FGF14: variants seen among roughly 807,000 people sequenced by gnomAD.
The protein encoded by FGF14 is fibroblast growth factor homologous factor 4.
A neutral mutation model predicts 25.5 loss-of-function variants in FGF14; 5 were observed. The observed-to-expected ratio is 0.20, with a 90% confidence interval of 0.10 to 0.41. The LOEUF (loss-of-function observed/expected upper bound fraction) is 0.41, where lower values mean the gene tolerates loss of function less well. Ranked by LOEUF, FGF14 falls within the 10% of genes least tolerant of loss-of-function variation. The pLI, the probability that FGF14 is intolerant of heterozygous loss-of-function variation, is 1.00. For synonymous variants in FGF14, 138 were observed against 118.3 expected, an observed-to-expected ratio of 1.17 and a Z score of -1.08; for missense variants, 222 against 320.1, an observed-to-expected ratio of 0.69 and a Z score of 2.34.
At position 102,165,863 on chromosome 13, in the gene FGF14, A is replaced by T. The variant is rs911140860; in HGVS notation, c.208+235608T>A. Among the ~76,000 whole-genome samples, 8 of 151,864 alleles carry T rather than the reference A, an allele frequency of 5.3e-5. 1 individual carries two copies. Among genetic ancestry groups the T allele is most frequent in the Admixed American group, 4.6e-4 (7 of 15,228 alleles). ...TAGATTCCTGGTTGCCAGAGGCTGGAGGAAAGGGAAACAGGAGGAATGAGG... is the reference window on the plus strand; with the variant it reads ...TAGATTCCTGGTTGCCAGAGGCTGGTGGAAAGGGAAACAGGAGGAATGAGG... On this transcript the variant is annotated intron_variant, in intron 1 of 4. Transcript: ENST00000376131.
At chr13:101,949,300 C>T (rs1346914116) in intron 1 of FGF14, among the ~76,000 whole-genome samples, 3 of 152,106 alleles carry the variant, frequency 2.0e-5, no homozygotes, top group Non-Finnish European at 2.9e-5. Context: ...CTTTCTAATG[C>T]GATCACTGCC....
At position 102,248,344 on chromosome 13, in the gene FGF14, C is replaced by T. The variant is rs532854981; in HGVS notation, c.208+153127G>A. 2.0e-5 allele frequency among the ~76,000 whole-genome samples: 3 copies of T among 152,180 alleles called. No individual in the cohort carries two copies. The South Asian group carries it at 6.2e-4, about 32-fold the overall frequency. On this transcript the variant is annotated intron_variant, in intron 1 of 4. Coordinates refer to the FGF14 transcript ENST00000376131. The stretch of plus-strand genomic sequence containing the variant: ...AAATATTGTCCCTTTCTTTTTGACT[C>T]TTAGAAATTATTAATGTATACTTCT...
chr13:101,866,349 A>C (rs2044706390), intron 3 of FGF14, among the ~76,000 whole-genome samples: 1 of 152,116 alleles, frequency 6.6e-6, no homozygotes, highest in South Asian at 2.1e-4. Flanking sequence ...TGATAATAAA[A>C]CAGTTAAAAA....
chr13:101,965,511 A>G (rs2037136280), intron 1 of FGF14, among the ~76,000 whole-genome samples: 1 of 152,166 alleles, frequency 6.6e-6, no homozygotes, highest in Non-Finnish European at 1.5e-5. Context: ...TTTAATAACT[A>G]AGGGATTAAG....
chr13:101,820,789 CACACACACACACACACAACA>C (rs1305744330), intron 3 of FGF14, among the ~76,000 whole-genome samples: 1,882 of 30,142 alleles, frequency 0.062, 73 homozygotes, highest in African/African-American at 0.12. Flanking sequence ...CACACACACA[CACACACACACACACACAACA>C]CACACACACA....
At chr13:102,120,087 A>C (rs994223349) in intron 1 of FGF14, among the ~76,000 whole-genome samples, 1 of 152,124 alleles carries the variant, frequency 6.6e-6, no homozygotes, top group Non-Finnish European at 1.5e-5. Flanking sequence ...CCTTGAGTCA[A>C]GACTCCTGGG....
chr13:102,118,194 G>T (rs1566707923), intron 1 of FGF14, among the ~76,000 whole-genome samples: 1 of 151,786 alleles, frequency 6.6e-6, no homozygotes. Flanking sequence ...TATATTCATT[G>T]TATAGGATAA....
At chr13:102,394,963 C>G (rs1244224945) in intron 1 of FGF14, 1 of 152,546 alleles carries the variant, frequency 6.6e-6, no homozygotes, top group African/African-American at 2.4e-5. Context: ...CTTTCTGGTC[C>G]CGGACACCAA....
intron 1 of FGF14, among the ~76,000 whole-genome samples, chr13:102,328,030 A>G (rs977832256): frequency 1.3e-5 from 2 of 151,094 alleles, no homozygotes; most frequent in Admixed American, 6.6e-5. Context: ...GAAATTCTTC[A>G]CTGCTATGAA....
chr13:102,395,809 CA>C (rs2058567680), intron 1 of FGF14: 1 of 152,182 alleles, frequency 6.6e-6, no homozygotes, highest in African/African-American at 2.4e-5. Context: ...ACTAATCAAA[CA>C]AGAACTTCAC....
chr13:102,091,396 C>T (rs1489440141), intron 1 of FGF14, among the ~76,000 whole-genome samples: 1 of 152,132 alleles, frequency 6.6e-6, no homozygotes. Flanking sequence ...TTCCTGTGTC[C>T]CTCTAGGGGA....
intron 1 of FGF14, among the ~76,000 whole-genome samples, chr13:102,022,222 C>T (rs906946816): frequency 1.3e-5 from 2 of 152,038 alleles, no homozygotes; most frequent in African/African-American, 4.8e-5. Context: ...AGGACATAGC[C>T]AGTTGCCTCT....
intron 1 of FGF14, among the ~76,000 whole-genome samples, chr13:102,082,867 A>G (rs1305082540): frequency 6.6e-6 from 1 of 151,690 alleles, no homozygotes. Context: ...CTGAGGCAGG[A>G]GAATGGCGTG....
chr13:102,027,359 C>A (rs2040983851), intron 1 of FGF14, among the ~76,000 whole-genome samples: 1 of 150,896 alleles, frequency 6.6e-6, no homozygotes, highest in Admixed American at 6.6e-5. Flanking sequence ...CTTTTTTAAG[C>A]TTTAAGTCAC....
chr13:102,220,315 T>G (rs1411511358), intron 1 of FGF14, among the ~76,000 whole-genome samples: 1 of 152,170 alleles, frequency 6.6e-6, no homozygotes, highest in Non-Finnish European at 1.5e-5. Context: ...ATATAAGCAA[T>G]TCACTAAGAA....
At chr13:102,329,395 C>T (rs1345587882) in intron 1 of FGF14, among the ~76,000 whole-genome samples, 1 of 152,164 alleles carries the variant, frequency 6.6e-6, no homozygotes, top group Non-Finnish European at 1.5e-5. Context: ...TCCATTCCCC[C>T]TCCCGAAAGA....
At chr13:101,989,536 T>C (rs1376186824) in intron 1 of FGF14, among the ~76,000 whole-genome samples, 2 of 152,122 alleles carry the variant, frequency 1.3e-5, no homozygotes, top group Non-Finnish European at 2.9e-5. Flanking sequence ...AGGGATTTAA[T>C]GATTAATGAA....
intron 1 of FGF14, among the ~76,000 whole-genome samples, chr13:102,278,392 A>G (rs1243837631): frequency 6.6e-6 from 1 of 152,186 alleles, no homozygotes; most frequent in African/African-American, 2.4e-5. Context: ...AGCGCAAACA[A>G]TACAGTGGTA....
chr13:102,171,259 G>C (rs2048233912), intron 1 of FGF14, among the ~76,000 whole-genome samples: 1 of 152,160 alleles, frequency 6.6e-6, no homozygotes, highest in Non-Finnish European at 1.5e-5. Context: ...TCCACTGTCA[G>C]CTGTGAGAAA....
Sources: gnomAD v4.1 joint callset for allele counts (sites outside exome capture counted in the v4.1 genomes callset) on GRCh38, gnomAD v4.1.1 for gene constraint, MANE v1.5 for transcripts, NCBI Gene and HGNC (gene_info 2026-07-23, HGNC 2026-07-21) for gene names.